SF3B1: variants seen among roughly 807,000 people sequenced by gnomAD.
SF3B1 encodes splicing factor 3b subunit 1.
In SF3B1, 12 loss-of-function variants were observed where a neutral mutation model predicts 153.8. The observed-to-expected ratio is 0.08, with a 90% CI of 0.05 to 0.13. The LOEUF (loss-of-function observed/expected upper bound fraction) is 0.13. Among genes scored for constraint, SF3B1 ranks in the 10% least tolerant of loss-of-function variants. SF3B1 has a pLI of 1.00. For synonymous variants in SF3B1, 498 were observed against 525.2 expected (o/e 0.95, Z 0.71); for missense variants, 513 against 1,606.1 (o/e 0.32, Z 11.63).
chr2:197,392,840 T>C lies in SF3B1; in HGVS notation c.3756+132A>G, dbSNP rs1287539001. ...GCTTAAAACCTAGATGACAGGTTGA[T>C]AGGTGCAGCAAACCACCATGGCACA... On this transcript the variant is annotated intron_variant, in intron 24 of 24. Coordinates refer to ENST00000335508, the MANE Select transcript of SF3B1 (RefSeq NM_012433.4). 3.5e-5 allele frequency: 22 copies of C among 626,868 alleles called. No individual in the cohort carries two copies. In the East Asian group the frequency reaches 3.5e-4, roughly 10 times the overall value. 38.8% of individuals were successfully genotyped at this position (626,868 alleles called of 1,614,324 possible).
Position 197,400,100 on chromosome 2 carries a change from A to G in SF3B1, c.2968T>C (p.Leu990=). 4 of 1,613,932 alleles carry G rather than the reference A, an allele frequency of 2.5e-6. No individual in the cohort carries two copies. The highest frequency in any genetic ancestry group is 3.4e-6 in the Non-Finnish European group (4 of 1,179,816). ...TTCAGTGCTCCAAGAATGCTGCCCA[A>G]TACTTCAGGGTACTCTTCACCCAAA... ...EYLGEEYPEV[L]GSILGALKAI... Residue 990 remains leucine (L), a synonymous_variant, in exon 20 of 25, where the codon TTG becomes CTG. Coordinates refer to ENST00000335508, the MANE Select transcript of SF3B1 (RefSeq NM_012433.4). This position sits in a 1 kb window ranked among gnomAD's most constrained non-coding sequence, Gnocchi z 5.0.
chr2:197,403,164 T>C, intron 12 of SF3B1, 129 bp from the exon 13 acceptor site: 1 of 694,056 alleles, frequency 1.4e-6, no homozygotes, highest in Non-Finnish European at 2.4e-6. Context: ...GACGAACTGT[T>C]TAAGAATTTT....
At chr2:197,410,755 T>G (rs2085056286) in intron 6 of SF3B1, among the ~76,000 whole-genome samples, 1 of 152,066 alleles carries the variant, frequency 6.6e-6, no homozygotes, top group African/African-American at 2.4e-5. Flanking sequence ...CCACCCACCT[T>G]GGCCTCCCAA....
chr2:197,432,571 T>C (rs1327330485), intron 1 of SF3B1, among the ~76,000 whole-genome samples: 12 of 152,180 alleles, frequency 7.9e-5, no homozygotes, highest in East Asian at 1.9e-4. Context: ...CTGATCCTAA[T>C]AGAAATGTTT....
At chr2:197,399,985 A>T in intron 20 of SF3B1, 70 bp downstream of exon 20, 1 of 1,088,400 alleles carries the variant, frequency 9.2e-7, no homozygotes, top group Non-Finnish European at 1.4e-6. Context: ...ATAAGATTTT[A>T]CTTACGAAAA....
At chr2:197,429,850 C>G (rs373135058) in intron 1 of SF3B1, among the ~76,000 whole-genome samples, 1 of 152,004 alleles carries the variant, frequency 6.6e-6, no homozygotes, top group African/African-American at 2.4e-5. Flanking sequence ...GATTTCAGAA[C>G]TATGCTCATA....
In SF3B1 at chr2:197,421,051, T is replaced by G; in HGVS notation, c.278A>C (p.Asp93Ala). Residue 93 changes from aspartate (D) to alanine (A), a missense_variant, in exon 3 of 25, where the codon GAT (aspartate) becomes GCT (alanine). By Grantham distance (126) the Asp-to-Ala change is moderately radical. Transcript: ENST00000335508. ...GYHAPVALLN[D>A]IPQSTEQYDP... is the part of the protein sequence containing the mutation. ...CACCTGTTCTGTTGACTGTGGTATA[T>G]CATTAAGCAATGCCACAGGGGCATG... The G allele has an allele frequency of 6.2e-7, 1 of 1,609,364 alleles. No homozygotes were observed. The highest frequency in any genetic ancestry group is 8.5e-7 in the Non-Finnish European group (1 of 1,176,198).
intron 6 of SF3B1, 70 bp downstream of exon 6, chr2:197,416,671 A>G: frequency 7.4e-7 from 1 of 1,359,232 alleles, no homozygotes; most frequent in Non-Finnish European, 1.0e-6. Flanking sequence ...TGGCAACCCA[A>G]GCAGACTAAT....
chr2:197,434,261 C>G (rs2085486701), intron 1 of SF3B1, among the ~76,000 whole-genome samples: 1 of 152,068 alleles, frequency 6.6e-6, no homozygotes, highest in African/African-American at 2.4e-5. Flanking sequence ...CCAGTCTATT[C>G]CCAACGTTTT....
rs2084809589 is a variant in SF3B1, at chr2:197,391,499, T to C, written c.*804A>G. ...TAACATGGAGAAAAGCCCAACATTG[T>C]CCTGTTCTATCAGCATTACTTAGGT... On this transcript the variant is annotated 3_prime_UTR_variant, in exon 25 of 25. Coordinates refer to ENST00000335508, the MANE Select transcript of SF3B1 (RefSeq NM_012433.4). 1 of 152,220 alleles carries C rather than the reference T, an allele frequency of 6.6e-6. No individual in the cohort carries two copies. 9.4% of individuals were successfully genotyped at this position (152,220 alleles called of 1,614,324 possible).
At chr2:197,395,951 C>T in intron 23 of SF3B1, 105 bp downstream of exon 23, 1 of 1,000,726 alleles carries the variant, frequency 1.0e-6, no homozygotes, top group Admixed American at 2.5e-5. Context: ...GCAATTTTTT[C>T]TTTAACTATG....
intron 2 of SF3B1, among the ~76,000 whole-genome samples, chr2:197,423,148 A>G (rs757278045): frequency 6.6e-6 from 1 of 152,182 alleles, no homozygotes; most frequent in African/African-American, 2.4e-5. Flanking sequence ...GCACTTTGGG[A>G]GGCCAAGGCA....
chr2:197,412,072 T>C (rs2085076734), intron 6 of SF3B1, among the ~76,000 whole-genome samples: 1 of 146,874 alleles, frequency 6.8e-6, no homozygotes, highest in Non-Finnish European at 1.5e-5. Flanking sequence ...ATCACGCCAC[T>C]GCACTCCAGC....
At chr2:197,399,754 C>G (rs1188587034) in intron 20 of SF3B1, among the ~76,000 whole-genome samples, 1 of 152,124 alleles carries the variant, frequency 6.6e-6, no homozygotes, top group Non-Finnish European at 1.5e-5. Flanking sequence ...ATATATTTCA[C>G]CTGACACACT....
intron 1 of SF3B1, among the ~76,000 whole-genome samples, chr2:197,433,513 G>A (rs1411602800): frequency 6.6e-6 from 1 of 152,130 alleles, no homozygotes; most frequent in Non-Finnish European, 1.5e-5. Context: ...CTTTGCAAAA[G>A]GTTATATTTG....
At chr2:197,417,439 A>C (rs1357377154) in intron 5 of SF3B1, among the ~76,000 whole-genome samples, 1 of 151,996 alleles carries the variant, frequency 6.6e-6, no homozygotes, top group African/African-American at 2.4e-5. Context: ...TTATATATTC[A>C]TAATAGTAAT....
intron 4 of SF3B1, chr2:197,419,752 T>C: frequency 1.3e-5 from 3 of 222,838 alleles, no homozygotes; most frequent in East Asian, 6.6e-5. Flanking sequence ...TACTAATTCA[T>C]GCAGGCTGAA....
At chr2:197,432,032 G>C (rs144539715) in intron 1 of SF3B1, among the ~76,000 whole-genome samples, 1 of 152,250 alleles carries the variant, frequency 6.6e-6, no homozygotes, top group African/African-American at 2.4e-5. Context: ...GGCTGAAATG[G>C]GAGGATCACT....
At chr2:197,408,194 G>A (rs2105994038) in intron 8 of SF3B1, 75 bp from the exon 9 acceptor site, 1 of 1,384,714 alleles carries the variant, frequency 7.2e-7, no homozygotes. Flanking sequence ...ATAAAAGACA[G>A]TTAAGATCAA....
Sources: gnomAD v4.1 joint callset for allele counts (sites outside exome capture counted in the v4.1 genomes callset) on GRCh38, gnomAD v4.1.1 for gene constraint, Gnocchi (gnomAD v3.1) non-coding constraint, MANE v1.5 for transcripts, NCBI Gene and HGNC (gene_info 2026-07-23, HGNC 2026-07-21) for gene names.